ERV3-1: variants seen among roughly 807,000 people sequenced by gnomAD.
ERV3-1 encodes endogenous retrovirus group 3 member 1, envelope.
In ERV3-1, 36 loss-of-function variants were observed where a neutral mutation model predicts 24.6. That is an observed-to-expected ratio of 1.47 (90% confidence interval 1.12 to 1.94). The LOEUF is 1.94. ERV3-1 is among the 30% of genes most tolerant of loss of function. The pLI is 0.00. For synonymous variants in ERV3-1, 211 were observed against 122.6 expected (o/e 1.72, Z -4.76); for missense variants, 578 against 330.9 (o/e 1.75, Z -5.79).
chr7:65,004,466 A>G (rs1786594150), intron 1 of ERV3-1: 1 of 152,234 alleles, frequency 6.6e-6, no homozygotes, highest in Non-Finnish European at 1.5e-5. Flanking sequence ...TTTGAGACAG[A>G]GTCTTCCTTA....
chr7:64,995,245 A>G (rs894182295), intron 1 of ERV3-1, among the ~76,000 whole-genome samples: 1 of 152,338 alleles, frequency 6.6e-6, no homozygotes, highest in East Asian at 1.9e-4. Flanking sequence ...TTGTGTCAAT[A>G]GGGTGGTAGT....
At chr7:64,997,163 G>T (rs562935178) in intron 1 of ERV3-1, among the ~76,000 whole-genome samples, 1 of 152,124 alleles carries the variant, frequency 6.6e-6, no homozygotes, top group African/African-American at 2.4e-5. Flanking sequence ...ACACCCACTC[G>T]CGATGCTAGT....
intron 1 of ERV3-1, among the ~76,000 whole-genome samples, chr7:64,997,687 G>A (rs1024695353): frequency 2.6e-5 from 4 of 152,178 alleles, no homozygotes; most frequent in Non-Finnish European, 5.9e-5. Flanking sequence ...AGCCAGTGGA[G>A]GGCTGCCTGG....
chr7:64,999,915 T>C (rs1786483530), intron 1 of ERV3-1, among the ~76,000 whole-genome samples: 1 of 152,206 alleles, frequency 6.6e-6, no homozygotes, highest in African/African-American at 2.4e-5. Context: ...TACTTGTTTT[T>C]CCTTTTATAT....
chr7:64,992,699 A>C lies in ERV3-1; in HGVS notation c.328T>G (p.Phe110Val), dbSNP rs749534724. 2.6e-6 allele frequency: 2 copies of C among 766,420 alleles called. No individual in the cohort carries two copies. Among genetic ancestry groups the C allele is most frequent in the Admixed American group, 3.4e-5 (2 of 59,026 alleles). The allele number at this position is 766,420 out of a possible 1,614,324, so 47.5% of individuals were successfully genotyped here. The change falls in exon 2 of 2, where the codon TTT becomes GTT. Residue 110 changes from phenylalanine to valine, a missense_variant. Phe to Val is a conservative substitution (Grantham distance 50). Transcript: ENST00000394323. Reference sequence around the variant, plus strand: ...GATACGACATCCTTGCCAGAGGGAAATACCTTGGTTTGGTTTAGAAGATCC... The same window carrying C: ...GATACGACATCCTTGCCAGAGGGAACTACCTTGGTTTGGTTTAGAAGATCC... ...EGDLLNQTKVFPSGKDVVSLY... is the reference protein window; with the variant it reads ...EGDLLNQTKVVPSGKDVVSLY...
intron 1 of ERV3-1, among the ~76,000 whole-genome samples, chr7:64,994,899 C>G (rs528739405): frequency 6.6e-6 from 1 of 152,374 alleles, no homozygotes; most frequent in East Asian, 1.9e-4. Flanking sequence ...CCCAGCCCAG[C>G]AGACCCCTTC....
At chr7:64,997,758 C>T (rs1052004591) in intron 1 of ERV3-1, among the ~76,000 whole-genome samples, 1 of 152,126 alleles carries the variant, frequency 6.6e-6, no homozygotes, top group African/African-American at 2.4e-5. Flanking sequence ...GCAATCTGGC[C>T]ACGTTGGATT....
rs1786483729 is a variant in ERV3-1 at position 64,999,919 on chromosome 7, T to C, written c.-388-6505A>G. On this transcript the variant is annotated intron_variant, in intron 1 of 1. Coordinates refer to ENST00000394323, the MANE Select transcript of ERV3-1 (RefSeq NM_001007253.4). ...TGTTTTCCCTTTACTTGTTTTTCCT[T>C]TTATATTTCCTGCCTCATATACACT... Among the ~76,000 whole-genome samples the C allele has an allele frequency of 3.3e-5, 5 of 152,304 alleles. No homozygotes were observed. In the South Asian group the frequency reaches 1.0e-3, roughly 32 times the overall value.
At position 64,992,927 on chromosome 7, in the gene ERV3-1, TG is replaced by T. The variant is rs936685099; in HGVS notation, c.99del (p.His33GlnfsTer9). 1.3e-6 allele frequency: 1 copy of T among 766,222 alleles called. No individual in the cohort carries two copies. The highest frequency in any genetic ancestry group is 2.4e-6 in the Non-Finnish European group (1 of 417,894). 47.5% of individuals were successfully genotyped at this position (766,222 alleles called of 1,614,324 possible). On this transcript the variant is annotated frameshift_variant, in exon 2 of 2. Coordinates refer to ENST00000394323, the MANE Select transcript of ERV3-1 (RefSeq NM_001007253.4). LOFTEE classifies it high-confidence loss of function. The stretch of plus-strand genomic sequence containing the variant: ...GTCATGATGTTCCCCGACCACGTAG[TG>T]TGGGTGCAGTGGAGGCATCCCTCCC... ...EPWEGCLHCT[H>X]TTWSGNIMTK...
At chr7:65,001,598 T>G (rs766849401) in intron 1 of ERV3-1, among the ~76,000 whole-genome samples, 13 of 152,136 alleles carry the variant, frequency 8.5e-5, no homozygotes, top group Non-Finnish European at 1.9e-4. Flanking sequence ...CTCTAAGTTT[T>G]CAGTCCTCTC....
intron 1 of ERV3-1, chr7:65,004,400 G>A (rs78789791): frequency 1.3e-5 from 2 of 152,212 alleles, no homozygotes; most frequent in African/African-American, 4.8e-5. Context: ...ACACACCTGA[G>A]AAAATTTCTA....
chr7:65,004,415 C>T (rs914132426), intron 1 of ERV3-1: 4 of 152,106 alleles, frequency 2.6e-5, no homozygotes, highest in African/African-American at 9.7e-5. Flanking sequence ...TTTCTAAACT[C>T]GGTCTGGGAA....
intron 1 of ERV3-1, among the ~76,000 whole-genome samples, chr7:65,001,531 T>C (rs1193003037): frequency 6.6e-6 from 1 of 152,102 alleles, no homozygotes; most frequent in Non-Finnish European, 1.5e-5. Flanking sequence ...TGTGAGTGGG[T>C]GGAAATCCTG....
chr7:65,001,219 G>A (rs1249703090), intron 1 of ERV3-1, among the ~76,000 whole-genome samples: 5 of 152,194 alleles, frequency 3.3e-5, no homozygotes, highest in South Asian at 2.1e-4. Flanking sequence ...ATAGCATAAT[G>A]TACGTGTAAG....
intron 1 of ERV3-1, among the ~76,000 whole-genome samples, chr7:64,994,682 G>A (rs1786366413): frequency 6.6e-6 from 1 of 152,190 alleles, no homozygotes; most frequent in Non-Finnish European, 1.5e-5. Context: ...CTTTGCCTGT[G>A]GCAGTTAAGA....
chr7:65,004,013 A>G (rs1384929638), intron 1 of ERV3-1: 1 of 152,180 alleles, frequency 6.6e-6, no homozygotes, highest in Non-Finnish European at 1.5e-5. Flanking sequence ...GTAGCACTCT[A>G]AAAACTAAGC....
chr7:65,004,481 A>T (rs554339148), intron 1 of ERV3-1: 1 of 152,330 alleles, frequency 6.6e-6, no homozygotes, highest in South Asian at 2.1e-4. Flanking sequence ...TCCTTAAATG[A>T]GTATTCTTAA....
chr7:65,006,335 G>A (rs1212737790), intron 1 of ERV3-1: 5 of 791,264 alleles, frequency 6.3e-6, no homozygotes, highest in African/African-American at 1.7e-5. Context: ...GCGCAGGGAG[G>A]AGACAGGATG....
rs776861440 is a variant in ERV3-1, at chr7:64,992,490, C to T, written c.537G>A (p.Gly179=). The change falls in exon 2 of 2, where the codon GGG becomes GGA. Residue 179 remains glycine, a synonymous_variant. Coordinates refer to ENST00000394323, the MANE Select transcript of ERV3-1 (RefSeq NM_001007253.4). ...ATGGTATTTTGGTAAGCATAATTGG[C>T]CCTAGTGATTGTTGGTTAGTGGACC... is the stretch of plus-strand genomic sequence containing the variant. The part of the protein sequence containing the change: ...TTWSTNQQSL[G]PIMLTKIPLE... 1.3e-6 allele frequency: 1 copy of T among 766,252 alleles called. No individual in the cohort carries two copies. Among genetic ancestry groups the T allele is most frequent in the Non-Finnish European group, 2.4e-6 (1 of 417,908 alleles). The allele number at this position is 766,252 out of a possible 1,614,324, so 47.5% of individuals were successfully genotyped here. A position where few individuals can be genotyped will look rare whatever the true frequency, so the allele number is the denominator to read the frequency against.
Sources: gnomAD v4.1 joint callset for allele counts (sites outside exome capture counted in the v4.1 genomes callset) on GRCh38, gnomAD v4.1.1 for gene constraint, MANE v1.5 for transcripts, NCBI Gene and HGNC (gene_info 2026-07-23, HGNC 2026-07-21) for gene names.